Variants in CACNA2D3 observed in about 807,000 individuals in gnomAD.
CACNA2D3 encodes calcium voltage-gated channel auxiliary subunit alpha2delta 3, also known as voltage-dependent calcium channel subunit alpha-2/delta-3.
A neutral mutation model predicts 160.6 loss-of-function variants in CACNA2D3; 60 were observed. The observed-to-expected ratio is 0.37, with a 90% CI of 0.30 to 0.46. The LOEUF (loss-of-function observed/expected upper bound fraction) is 0.46, where lower values mean the gene tolerates loss of function less well. CACNA2D3 is among the 20% of genes least tolerant of loss of function. The pLI is 1.00. For missense variants in CACNA2D3, 1,205 were observed against 1,365.0 expected (o/e 0.88, Z 1.85); for synonymous variants, 558 against 492.9 (o/e 1.13, Z -1.75).
At chr3:55,015,480 G>T (rs1025543321) in intron 34 of CACNA2D3, among the ~76,000 whole-genome samples, 1 of 152,196 alleles carries the variant, frequency 6.6e-6, no homozygotes, top group Non-Finnish European at 1.5e-5. Context: ...AAATGTAGCT[G>T]TTATGCCATC....
chr3:54,661,538 G>A (rs1699970252), intron 11 of CACNA2D3, among the ~76,000 whole-genome samples: 1 of 152,106 alleles, frequency 6.6e-6, no homozygotes, highest in Non-Finnish European at 1.5e-5. Flanking sequence ...ACTTAGGAAA[G>A]GGGCTATATG....
chr3:54,213,413 C>T (rs1559884272), intron 2 of CACNA2D3, among the ~76,000 whole-genome samples: 3 of 152,148 alleles, frequency 2.0e-5, no homozygotes, highest in Admixed American at 1.3e-4. Context: ...CCTTAACCCC[C>T]GGGGAACATC....
At chr3:54,606,247 T>C (rs542428323) in intron 9 of CACNA2D3, among the ~76,000 whole-genome samples, 1 of 152,258 alleles carries the variant, frequency 6.6e-6, no homozygotes, top group Admixed American at 6.5e-5. Flanking sequence ...GAGAGCAGCC[T>C]TTCTAGGGTT....
chr3:54,185,573 T>C (rs1700866696), intron 2 of CACNA2D3, among the ~76,000 whole-genome samples: 1 of 152,142 alleles, frequency 6.6e-6, no homozygotes, highest in Admixed American at 6.5e-5. Context: ...ATTCTATAGA[T>C]TCAACACTAA....
At chr3:54,400,380 G>GCCCACGACTCCTCT (rs1422594700) in intron 4 of CACNA2D3, among the ~76,000 whole-genome samples, 1 of 151,774 alleles carries the variant, frequency 6.6e-6, no homozygotes, top group Non-Finnish European at 1.5e-5. Flanking sequence ...GAAACCCTGA[G>GCCCACGACTCCTCT]CCCACGACTC....
chr3:54,249,916 T>C (rs945378274), intron 2 of CACNA2D3, among the ~76,000 whole-genome samples: 2 of 152,216 alleles, frequency 1.3e-5, no homozygotes, highest in African/African-American at 4.8e-5. Flanking sequence ...TTTGCTATCA[T>C]GGTGTCCCCT....
intron 4 of CACNA2D3, among the ~76,000 whole-genome samples, chr3:54,428,809 G>A (rs994726408): frequency 6.6e-6 from 1 of 152,144 alleles, no homozygotes; most frequent in Non-Finnish European, 1.5e-5. Flanking sequence ...GATGCATTGG[G>A]TTAGTCTGTA....
At chr3:54,976,846 G>A (rs1702401679) in intron 29 of CACNA2D3, among the ~76,000 whole-genome samples, 1 of 152,202 alleles carries the variant, frequency 6.6e-6, no homozygotes, top group Non-Finnish European at 1.5e-5. Context: ...CGCCTGAGAA[G>A]TGAGTCTTCT....
At chr3:54,816,745 T>A in intron 13 of CACNA2D3, 108 bp from the exon 14 acceptor site, 1 of 1,193,312 alleles carries the variant, frequency 8.4e-7, no homozygotes, top group Non-Finnish European at 1.2e-6. Flanking sequence ...TGTCTCCCCA[T>A]TTTGGTTTCT....
At chr3:55,021,647 GTATATATATA>G (rs55811346) in intron 35 of CACNA2D3, among the ~76,000 whole-genome samples, 3 of 140,954 alleles carry the variant, frequency 2.1e-5, no homozygotes, top group African/African-American at 8.1e-5. Context: ...ATATATATGT[GTATATATATA>G]TGTGTGTGTA....
intron 35 of CACNA2D3, among the ~76,000 whole-genome samples, chr3:55,065,582 G>T (rs1470044540): frequency 2.0e-5 from 3 of 152,058 alleles, no homozygotes; most frequent in African/African-American, 7.2e-5. Context: ...GGGAAGGATT[G>T]CTTGAGCCCA....
intron 5 of CACNA2D3, among the ~76,000 whole-genome samples, chr3:54,558,107 C>T (rs1465936971): frequency 6.6e-6 from 1 of 152,156 alleles, no homozygotes; most frequent in Non-Finnish European, 1.5e-5. Context: ...TGAGTGCCCT[C>T]GTAAGTGGAC....
At chr3:54,138,441 G>A (rs1463204627) in intron 2 of CACNA2D3, among the ~76,000 whole-genome samples, 6 of 152,206 alleles carry the variant, frequency 3.9e-5, no homozygotes. Flanking sequence ...AGCACCTAGA[G>A]AACCTGCAGT....
chr3:54,390,761 C>G (rs371074046), intron 4 of CACNA2D3, among the ~76,000 whole-genome samples: 1 of 152,104 alleles, frequency 6.6e-6, no homozygotes, highest in African/African-American at 2.4e-5. Flanking sequence ...GGGTGTCAGC[C>G]CCATTGCTAT....
intron 4 of CACNA2D3, among the ~76,000 whole-genome samples, chr3:54,464,951 C>T (rs531035884): frequency 7.4e-4 from 112 of 152,258 alleles, no homozygotes; most frequent in African/African-American, 2.6e-3. Context: ...TTTCCCATCT[C>T]TTCTCCTTTT....
At chr3:54,839,943 T>A (rs1483174835) in intron 16 of CACNA2D3, among the ~76,000 whole-genome samples, 2 of 152,166 alleles carry the variant, frequency 1.3e-5, no homozygotes, top group African/African-American at 4.8e-5. Context: ...TTGGAAACTG[T>A]AGTTCCTGAG....
At position 54,642,136 on chromosome 3, in the gene CACNA2D3, C is replaced by T; in HGVS notation, c.1062C>T (p.His354=). ...EAFNILSDFN[H]TGQGSICSQA... ...CTTATTTCTTTCCCTAGTTCAACCA[C>T]ACGGGACAAGGAAGTATCTGCAGTC... The change falls in exon 11 of 38, where the codon CAC becomes CAT. Residue 354 remains histidine, a synonymous_variant. Transcript: ENST00000474759. 1 of 1,609,212 alleles carries T rather than the reference C, an allele frequency of 6.2e-7. No individual in the cohort carries two copies. Among genetic ancestry groups the T allele is most frequent in the Non-Finnish European group, 8.5e-7 (1 of 1,177,024 alleles).
At chr3:54,528,894 G>T (rs1004949494) in intron 5 of CACNA2D3, among the ~76,000 whole-genome samples, 1 of 152,206 alleles carries the variant, frequency 6.6e-6, no homozygotes, top group African/African-American at 2.4e-5. Flanking sequence ...GGATATTAGT[G>T]TGGGGACTTA....
chr3:54,581,262 G>A (rs1702672492), intron 8 of CACNA2D3, among the ~76,000 whole-genome samples: 1 of 152,180 alleles, frequency 6.6e-6, no homozygotes, highest in South Asian at 2.1e-4. Flanking sequence ...TGAAGTGATG[G>A]GAGTGCCGGT....
Sources: gnomAD v4.1 joint callset for allele counts (sites outside exome capture counted in the v4.1 genomes callset) on GRCh38, gnomAD v4.1.1 for gene constraint, MANE v1.5 for transcripts, NCBI Gene and HGNC (gene_info 2026-07-23, HGNC 2026-07-21) for gene names.